CCL25: variants seen among roughly 807,000 people sequenced by gnomAD.
CCL25 encodes C-C motif chemokine 25.
A neutral mutation model predicts 19.9 loss-of-function variants in CCL25; 14 were observed. The observed-to-expected ratio is 0.70, with a 90% confidence interval of 0.47 to 1.10. CCL25 has a LOEUF of 1.10. Among genes scored for constraint, CCL25 ranks in the 50% least tolerant of loss-of-function variants. The probability of loss-of-function intolerance (pLI) is 0.00; values close to 1 mark genes in which losing one functional copy is unlikely to be tolerated. For missense variants in CCL25, 151 were observed against 181.2 expected (o/e 0.83, Z 0.96); for synonymous variants, 68 against 73.2 (o/e 0.93, Z 0.36).
chr19:8,060,735 C>T (rs1440321113), intron 5 of CCL25, among the ~76,000 whole-genome samples: 1 of 151,512 alleles, frequency 6.6e-6, no homozygotes, highest in Admixed American at 6.6e-5. Flanking sequence ...GGCTGGAGTG[C>T]AGTGGCATGA....
At chr19:8,058,387 ATAAG>A (rs1458470460) in intron 5 of CCL25, among the ~76,000 whole-genome samples, 2 of 121,828 alleles carry the variant, frequency 1.6e-5, no homozygotes, top group East Asian at 2.1e-4. Flanking sequence ...TATATAATAT[ATAAG>A]TAAATATATA....
chr19:8,053,684 G>A (rs2081248924), intron 2 of CCL25, among the ~76,000 whole-genome samples: 3 of 151,948 alleles, frequency 2.0e-5, no homozygotes, highest in Admixed American at 2.0e-4. Context: ...AAGTAGCTGG[G>A]ACTACAGGCG....
chr19:8,056,302 G>GGGGGGGGGGGGCCCCCC, intron 3 of CCL25, 33 bp downstream of exon 3: 1 of 593,366 alleles, frequency 1.7e-6, no homozygotes, highest in Admixed American at 1.9e-5. Context: ...GGGGGGTGGG[G>GGGGGGGGGGGGCCCCCC]TGCACACACA....
Position 8,062,249 on chromosome 19 carries a change from C to A in CCL25, c.*24C>A. Reference sequence around the variant, plus strand: ...GAGCCGGCTCATTTCTGGGCTCCATCGGCACAGGAGGGGCCGGATCTTTCT... The same window carrying A: ...GAGCCGGCTCATTTCTGGGCTCCATAGGCACAGGAGGGGCCGGATCTTTCT... On this transcript the variant is annotated 3_prime_UTR_variant, in exon 6 of 6. Transcript: ENST00000315626. The A allele has an allele frequency of 6.2e-7, 1 of 1,612,634 alleles. No individual in the cohort carries two copies.
At chr19:8,055,619 C>T (rs571028319) in intron 2 of CCL25, among the ~76,000 whole-genome samples, 10 of 151,870 alleles carry the variant, frequency 6.6e-5, no homozygotes, top group Admixed American at 3.3e-4. Context: ...AAGGCATGAG[C>T]CACCGCGCCC....
chr19:8,053,143 T>C (rs779357158), intron 2 of CCL25, 21 bp downstream of exon 2: 1 of 1,505,378 alleles, frequency 6.6e-7, no homozygotes, highest in South Asian at 1.2e-5. Context: ...CGGCAATGCC[T>C]ACCACCAAGT....
rs1425110352 is a variant in CCL25 at position 8,062,197 on chromosome 19, CCT to C, written c.446-15_446-14del. On this transcript the variant is annotated intron_variant, in intron 5 of 5. Transcript: ENST00000315626. ...TTTACAGCCGTCAATTTTACTTCGG[CCT>C]CTCTCATTGCTTCTGCAGGACTGTG... 3 of 1,604,860 alleles carry C rather than the reference CCT, an allele frequency of 1.9e-6. No homozygotes were observed. Among genetic ancestry groups the C allele is most frequent in the Non-Finnish European group, 2.6e-6 (3 of 1,173,044 alleles).
chr19:8,060,691 T>C (rs2081311578), intron 5 of CCL25, among the ~76,000 whole-genome samples: 1 of 151,852 alleles, frequency 6.6e-6, no homozygotes, highest in Non-Finnish European at 1.5e-5. Flanking sequence ...AGGGATTTTT[T>C]TTTTTTTGAG....
intron 4 of CCL25, 115 bp from the exon 5 acceptor site, chr19:8,057,686 C>G: frequency 1.4e-6 from 2 of 1,418,154 alleles, no homozygotes; most frequent in African/African-American, 1.4e-5. Context: ...AAAGCTCAAG[C>G]ACATGGGAGA....
At chr19:8,059,225 G>T (rs1350707855) in intron 5 of CCL25, among the ~76,000 whole-genome samples, 1 of 138,098 alleles carries the variant, frequency 7.2e-6, no homozygotes, top group African/African-American at 2.7e-5. Context: ...TTATGGCAGG[G>T]TCTCACTCTG....
intron 2 of CCL25, among the ~76,000 whole-genome samples, chr19:8,055,120 C>G (rs1466813973): frequency 1.3e-5 from 2 of 150,178 alleles, no homozygotes; most frequent in East Asian, 4.2e-4. Context: ...GAAACCCCGT[C>G]TCTACTAAAA....
At position 8,056,451 on chromosome 19, in the gene CCL25, C is replaced by A. The variant is rs745477577; in HGVS notation, c.277C>A (p.Arg93=). The change falls in exon 4 of 6, where the codon CGA becomes AGA. Residue 93 remains arginine, a synonymous_variant. Transcript: ENST00000315626. The part of the protein sequence containing the change: ...VQRAMKLLDA[R]NKVFAKLHHN... Reference sequence around the variant, plus strand: ...GAGAGCCATGAAGCTCCTGGATGCTCGAAATAAGGTTTTTGCAAAGCTCCA... The same window carrying A: ...GAGAGCCATGAAGCTCCTGGATGCTAGAAATAAGGTTTTTGCAAAGCTCCA... The A allele has an allele frequency of 6.2e-7, 1 of 1,613,908 alleles. No individual in the cohort carries two copies. The highest frequency in any genetic ancestry group is 2.2e-5 in the East Asian group (1 of 44,894).
At chr19:8,059,154 A>ATATAAATATATATAAATATATAT (rs2081300337) in intron 5 of CCL25, among the ~76,000 whole-genome samples, 3 of 3,656 alleles carry the variant, frequency 8.2e-4, no homozygotes, top group African/African-American at 2.4e-3. Context: ...AATATATAAT[A>ATATAAATATATATAAATATATAT]TATATAATAT....
At chr19:8,062,141 G>A in intron 5 of CCL25, 77 bp from the exon 6 acceptor site, 1 of 1,434,366 alleles carries the variant, frequency 7.0e-7, no homozygotes, top group Non-Finnish European at 9.8e-7. Context: ...AGGGACTGGA[G>A]GTAGAGACAA....
Position 8,057,938 on chromosome 19 carries a change from T to C in CCL25, c.445+18T>C. The C allele has an allele frequency of 1.9e-6, 3 of 1,607,588 alleles. No individual in the cohort carries two copies. The highest frequency in any genetic ancestry group is 2.6e-6 in the Non-Finnish European group (3 of 1,175,850). On this transcript the variant is annotated intron_variant, in intron 5 of 5. Transcript: ENST00000315626. Reference sequence around the variant, plus strand: ...TAATTCAGGTAAGGACTCTTGGTCATGTGACTGTCTCCCATCCATCACCTT... The same window carrying C: ...TAATTCAGGTAAGGACTCTTGGTCACGTGACTGTCTCCCATCCATCACCTT...
At chr19:8,056,645 G>T in intron 4 of CCL25, 146 bp downstream of exon 4, 1 of 886,272 alleles carries the variant, frequency 1.1e-6, no homozygotes, top group East Asian at 2.6e-5. Flanking sequence ...CTGGTGAGTG[G>T]GGCACCAAGT....
chr19:8,055,475 C>A (rs1344080444), intron 2 of CCL25, among the ~76,000 whole-genome samples: 44 of 149,228 alleles, frequency 2.9e-4, no homozygotes, highest in Non-Finnish European at 5.5e-4. Flanking sequence ...AGCTGGGACT[C>A]CAGGCGCCCA....
intron 5 of CCL25, among the ~76,000 whole-genome samples, chr19:8,058,571 A>C (rs1376853425): frequency 8.5e-6 from 1 of 117,344 alleles, no homozygotes; most frequent in African/African-American, 3.0e-5. Context: ...AAAATAATAT[A>C]TAATATATAA....
intron 5 of CCL25, among the ~76,000 whole-genome samples, chr19:8,058,608 T>C (rs2081292327): frequency 1.5e-5 from 2 of 130,640 alleles, no homozygotes; most frequent in Non-Finnish European, 3.1e-5. Context: ...TAATATATAA[T>C]ATAAAGTATA....
Sources: allele counts gnomAD v4.1 joint callset (sites outside exome capture counted in the v4.1 genomes callset), GRCh38; gene constraint gnomAD v4.1.1; transcripts MANE v1.5; gene names NCBI Gene and HGNC (gene_info 2026-07-23, HGNC 2026-07-21).